The following CSMD1 variants were observed in gnomAD, a reference collection of about 807,000 sequenced individuals.
CSMD1 encodes the protein CUB and sushi domain-containing protein 1.
In CSMD1, 213 loss-of-function variants were observed where a neutral mutation model predicts 417.5. That is an observed-to-expected ratio of 0.51 (90% confidence interval 0.46 to 0.57). The LOEUF (loss-of-function observed/expected upper bound fraction) is 0.57, where lower values mean the gene tolerates loss of function less well. CSMD1 is among the 20% of genes least tolerant of loss of function. CSMD1 has a pLI of 0.00. For missense variants in CSMD1, 6,923 were observed against 4,529.7 expected (o/e 1.53, Z -15.17); for synonymous variants, 2,862 against 1,736.8 (o/e 1.65, Z -16.11).
At chr8:4,685,735 T>C (rs987656970) in intron 1 of CSMD1, among the ~76,000 whole-genome samples, 1 of 152,230 alleles carries the variant, frequency 6.6e-6, no homozygotes, top group African/African-American at 2.4e-5. Flanking sequence ...ACATTCTTTT[T>C]AAGAAATTAC....
intron 3 of CSMD1, among the ~76,000 whole-genome samples, chr8:4,320,139 C>G (rs370392831): frequency 6.6e-6 from 1 of 152,048 alleles, no homozygotes; most frequent in East Asian, 1.9e-4. Context: ...TGTAACAGAA[C>G]AAAGCACAAA....
At chr8:4,141,583 C>G (rs145783502) in intron 3 of CSMD1, among the ~76,000 whole-genome samples, 1 of 151,084 alleles carries the variant, frequency 6.6e-6, no homozygotes. Flanking sequence ...GAACGAGTAA[C>G]TGTACTAAGA....
At chr8:3,702,020 A>C (rs1043176926) in intron 7 of CSMD1, 2 of 152,072 alleles carry the variant, frequency 1.3e-5, no homozygotes, top group Non-Finnish European at 2.9e-5. Flanking sequence ...ATTGCCCAAT[A>C]CAAACAAAGA....
At chr8:4,470,343 C>A (rs369944392) in intron 2 of CSMD1, among the ~76,000 whole-genome samples, 1 of 152,162 alleles carries the variant, frequency 6.6e-6, no homozygotes, top group Admixed American at 6.5e-5. Context: ...CACTTGACTA[C>A]GATGGTTCAA....
chr8:3,012,220 C>T (rs1349304408), intron 52 of CSMD1, among the ~76,000 whole-genome samples: 2 of 152,212 alleles, frequency 1.3e-5, no homozygotes, highest in African/African-American at 4.8e-5. Context: ...CAATTTCTCA[C>T]AAGGTTCTTC....
chr8:4,347,969 C>A (rs1258521201), intron 3 of CSMD1, among the ~76,000 whole-genome samples: 7 of 151,954 alleles, frequency 4.6e-5, no homozygotes. Flanking sequence ...AATTTATACA[C>A]GGGAAGCACT....
chr8:4,044,287 A>AAACAG lies in CSMD1; in HGVS notation c.416-12193_416-12189dup, dbSNP rs1310899748. On this transcript the variant is annotated intron_variant, in intron 3 of 69. Coordinates refer to ENST00000635120, the MANE Select transcript of CSMD1 (RefSeq NM_033225.6). ...AAAAAATATAAAAATGGCAAAGGAA[A>AAACAG]AACAGAGAAATCATCTCTGAAAATT... is the stretch of plus-strand genomic sequence containing the variant. 4.6e-5 allele frequency among the ~76,000 whole-genome samples: 7 copies of AAACAG among 152,322 alleles called. No individual in the cohort carries two copies. The East Asian group carries it at 1.4e-3, about 29-fold the overall frequency.
At chr8:3,292,631 C>G (rs1029425078) in intron 25 of CSMD1, among the ~76,000 whole-genome samples, 5 of 152,098 alleles carry the variant, frequency 3.3e-5, no homozygotes, top group African/African-American at 9.7e-5. Context: ...TCTGTTTTAT[C>G]AGAGACTAGG....
chr8:3,456,255 T>C (rs1816124152), intron 12 of CSMD1, among the ~76,000 whole-genome samples: 2 of 152,138 alleles, frequency 1.3e-5, no homozygotes, highest in African/African-American at 2.4e-5. Flanking sequence ...CCGCTTGCTC[T>C]TCATAGGTGG....
At chr8:3,574,336 G>T (rs1003830991) in intron 10 of CSMD1, among the ~76,000 whole-genome samples, 1 of 152,228 alleles carries the variant, frequency 6.6e-6, no homozygotes. Context: ...TGCCTCCTGG[G>T]TTCAAGCGAT....
At chr8:3,156,634 C>A (rs1819553468) in intron 39 of CSMD1, among the ~76,000 whole-genome samples, 2 of 151,972 alleles carry the variant, frequency 1.3e-5, no homozygotes, top group South Asian at 4.2e-4. Context: ...TGCCTAAACC[C>A]TCCAATAAAT....
intron 1 of CSMD1, among the ~76,000 whole-genome samples, chr8:4,775,574 G>A (rs935985681): frequency 2.6e-5 from 4 of 152,100 alleles, no homozygotes; most frequent in Non-Finnish European, 4.4e-5. Flanking sequence ...ATGAAAGACA[G>A]AATAAAAAAG....
At chr8:3,249,048 A>G (rs1800082691) in intron 26 of CSMD1, among the ~76,000 whole-genome samples, 1 of 152,136 alleles carries the variant, frequency 6.6e-6, no homozygotes, top group Non-Finnish European at 1.5e-5. Context: ...AAGTAGCTTC[A>G]CAGTGTGCAG....
chr8:3,407,873 T>C, intron 14 of CSMD1, 26 bp downstream of exon 14: 2 of 1,560,650 alleles, frequency 1.3e-6, no homozygotes, highest in Non-Finnish European at 1.7e-6. Context: ...AGAACTTGGA[T>C]GTGTTGACTG....
chr8:4,051,308 C>CG, intron 3 of CSMD1, among the ~76,000 whole-genome samples: 1 of 140,552 alleles, frequency 7.1e-6, no homozygotes, highest in East Asian at 2.1e-4. Flanking sequence ...TTTGAAGACT[C>CG]AAAAAAAAAA....
intron 1 of CSMD1, among the ~76,000 whole-genome samples, chr8:4,790,526 C>T (rs1163509620): frequency 6.6e-6 from 1 of 152,112 alleles, no homozygotes; most frequent in Admixed American, 6.6e-5. Flanking sequence ...AAAGCTAAGG[C>T]AATCCTAAGC....
rs949581755 is a variant in CSMD1, at chr8:3,258,329, C to G, written c.4153+25815G>C. ...TAAAAGAAGACATACATGTTGCCAACAATCGTGGAAAAAAGCTCACCATCA... is the reference window on the plus strand; with the variant it reads ...TAAAAGAAGACATACATGTTGCCAAGAATCGTGGAAAAAAGCTCACCATCA... On this transcript the variant is annotated intron_variant, in intron 26 of 69. Transcript: ENST00000635120. Among the ~76,000 whole-genome samples the G allele has an allele frequency of 1.9e-4, 29 of 152,060 alleles. 1 individual carries two copies. Among genetic ancestry groups the G allele is most frequent in the African/African-American group, 6.5e-4 (27 of 41,410 alleles).
intron 3 of CSMD1, among the ~76,000 whole-genome samples, chr8:4,053,523 A>T (rs1306218852): frequency 6.6e-6 from 1 of 151,478 alleles, no homozygotes; most frequent in Non-Finnish European, 1.5e-5. Context: ...AATATGAAAC[A>T]CTTTTGTTAT....
At chr8:4,632,634 T>C (rs1585363164) in intron 2 of CSMD1, among the ~76,000 whole-genome samples, 1 of 152,184 alleles carries the variant, frequency 6.6e-6, no homozygotes, top group Admixed American at 6.5e-5. Context: ...TACAAAGATA[T>C]ACAAGCCCCG....
Sources: gnomAD v4.1 joint callset for allele counts (sites outside exome capture counted in the v4.1 genomes callset) on GRCh38, gnomAD v4.1.1 for gene constraint, MANE v1.5 for transcripts, NCBI Gene and HGNC (gene_info 2026-07-23, HGNC 2026-07-21) for gene names.